Variants in CACNA1B observed in about 807,000 individuals in gnomAD.
CACNA1B encodes voltage-dependent N-type calcium channel subunit alpha-1B.
In CACNA1B, 70 loss-of-function variants were observed where a neutral mutation model predicts 247.2. The observed-to-expected ratio is 0.28, with a 90% confidence interval of 0.23 to 0.35. The LOEUF is 0.35. CACNA1B is among the 10% of genes least tolerant of loss of function. The pLI is 1.00. For missense variants in CACNA1B, 2,367 were observed against 3,197.4 expected (o/e 0.74, Z 6.26); for synonymous variants, 1,231 against 1,294.4 (o/e 0.95, Z 1.05).
chr9:138,029,631 G>T (rs12349142), intron 20 of CACNA1B, among the ~76,000 whole-genome samples: 1 of 125,332 alleles, frequency 8.0e-6, no homozygotes, highest in East Asian at 2.4e-4. Context: ...TTTTTTTCCA[G>T]ACAGGGTCTC....
rs559674145 is a variant in CACNA1B at position 138,121,309 on chromosome 9, G to A, written c.6490-160G>A. On this transcript the variant is annotated intron_variant, in intron 46 of 46. Coordinates refer to ENST00000371372, the MANE Select transcript of CACNA1B (RefSeq NM_000718.4). This position sits in a 1 kb window ranked among gnomAD's most constrained non-coding sequence, Gnocchi z 6.8. Reference sequence around the variant, plus strand: ...GACCATCGCCCTCCCCCGCACACAGGTGCCTGTTGCCTCCCTGGTCACCGC... The same window carrying A: ...GACCATCGCCCTCCCCCGCACACAGATGCCTGTTGCCTCCCTGGTCACCGC... Among the ~76,000 whole-genome samples, 83 of 152,046 alleles carry A rather than the reference G, an allele frequency of 5.5e-4. No homozygotes were observed. Among genetic ancestry groups the A allele is most frequent in the African/African-American group, 1.9e-3 (79 of 41,450 alleles).
chr9:137,991,224 A>G (rs1007867947), intron 15 of CACNA1B, among the ~76,000 whole-genome samples: 1 of 152,238 alleles, frequency 6.6e-6, no homozygotes, highest in Non-Finnish European at 1.5e-5. Context: ...TCTTCAGTGA[A>G]ATCGCATAAA....
intron 36 of CACNA1B, among the ~76,000 whole-genome samples, chr9:138,095,187 A>G (rs1312654689): frequency 6.6e-6 from 1 of 152,252 alleles, no homozygotes; most frequent in African/African-American, 2.4e-5. Context: ...GTACAGAACA[A>G]AATACTTGCA....
chr9:138,114,087 A>C (rs1207536097), intron 40 of CACNA1B, among the ~76,000 whole-genome samples: 1 of 152,190 alleles, frequency 6.6e-6, no homozygotes, highest in Non-Finnish European at 1.5e-5. Context: ...AGACACAGGA[A>C]GGGCCCTGCA....
At chr9:137,906,559 G>A in intron 3 of CACNA1B, among the ~76,000 whole-genome samples, 1 of 151,966 alleles carries the variant, frequency 6.6e-6, no homozygotes, top group Non-Finnish European at 1.5e-5. Context: ...GCATCCCCGT[G>A]TGATGCCTTA....
intron 36 of CACNA1B, among the ~76,000 whole-genome samples, chr9:138,082,640 A>G (rs1169666208): frequency 6.6e-6 from 1 of 151,294 alleles, no homozygotes; most frequent in East Asian, 2.0e-4. Flanking sequence ...ATAAGGAGGC[A>G]GCTTTAGGCT....
In CACNA1B at chr9:137,958,793, G is replaced by A. The variant is rs928602227; in HGVS notation, c.1333+1106G>A. ...TCGCCCTCATCCAGTGCTATGTGAC[G>A]GCTCCTTTTGATTTTTCCCAGTTTG... On this transcript the variant is annotated intron_variant, in intron 10 of 46. Coordinates refer to ENST00000371372, the MANE Select transcript of CACNA1B (RefSeq NM_000718.4). 4.6e-5 allele frequency among the ~76,000 whole-genome samples: 7 copies of A among 152,168 alleles called. No individual in the cohort carries two copies. In the East Asian group the frequency reaches 1.4e-3, roughly 29 times the overall value.
intron 16 of CACNA1B, among the ~76,000 whole-genome samples, chr9:138,008,368 C>T (rs1291073490): frequency 6.6e-6 from 1 of 152,226 alleles, no homozygotes; most frequent in African/African-American, 2.4e-5. Flanking sequence ...GTTAGTCCTG[C>T]TGGATCCCAA....
At chr9:137,975,882 C>T (rs1390218773) in intron 11 of CACNA1B, 25 bp from the exon 12 acceptor site, 4 of 1,438,728 alleles carry the variant, frequency 2.8e-6, no homozygotes, top group Non-Finnish European at 2.9e-6. Context: ...TCGAGCTAAT[C>T]CCCCTCTTCT....
At chr9:137,916,142 C>T (rs538470974) in intron 5 of CACNA1B, among the ~76,000 whole-genome samples, 1 of 151,050 alleles carries the variant, frequency 6.6e-6, no homozygotes, top group Non-Finnish European at 1.5e-5. Context: ...TAGCAATTCT[C>T]CTGCCTCAGC....
intron 20 of CACNA1B, among the ~76,000 whole-genome samples, chr9:138,032,032 T>C (rs1027367665): frequency 6.6e-6 from 1 of 152,158 alleles, no homozygotes; most frequent in African/African-American, 2.4e-5. Flanking sequence ...TGTTATTTTA[T>C]TTCTTATTTT....
At chr9:138,107,996 A>G (rs866920768) in intron 39 of CACNA1B, among the ~76,000 whole-genome samples, 2 of 151,224 alleles carry the variant, frequency 1.3e-5, no homozygotes, top group Middle Eastern at 3.4e-3. Flanking sequence ...AAAAAAAAAG[A>G]ATAGATAACC....
intron 18 of CACNA1B, among the ~76,000 whole-genome samples, chr9:138,022,453 GCAAA>G: frequency 6.6e-6 from 1 of 152,148 alleles, no homozygotes; most frequent in Non-Finnish European, 1.5e-5. Context: ...GGGTTCCCTG[GCAAA>G]CAGCCTTTTC....
Position 138,121,383 on chromosome 9 carries a change from A to G in CACNA1B, c.6490-86A>G, listed in dbSNP as rs1962092035. 3.9e-6 allele frequency: 4 copies of G among 1,037,696 alleles called. No homozygotes were observed. Among genetic ancestry groups the G allele is most frequent in the Non-Finnish European group, 1.3e-6 (1 of 742,586 alleles). The allele number at this position is 1,037,696 out of a possible 1,614,324, so 64.3% of individuals were successfully genotyped here. On this transcript the variant is annotated intron_variant, in intron 46 of 46. Transcript: ENST00000371372. The surrounding 1 kb of genome is among the most constrained non-coding windows in gnomAD (Gnocchi z 6.8). ...CCTCTCTCCTCCCATCCCCCCAGGC[A>G]CCTGTGTGTGATGTGCTCTGTCTGT...
In CACNA1B at chr9:138,120,146, C is replaced by G; in HGVS notation, c.6031-19C>G. 1.3e-6 allele frequency: 2 copies of G among 1,580,754 alleles called. No homozygotes were observed. The highest frequency in any genetic ancestry group is 1.7e-6 in the Non-Finnish European group (2 of 1,163,522). The stretch of plus-strand genomic sequence containing the variant: ...CCCTGGTGCCTCCCCTAGGCCCACT[C>G]TCAGTCCTTTGCCCACAGCCCGTCA... On this transcript the variant is annotated intron_variant, in intron 44 of 46. Coordinates refer to ENST00000371372, the MANE Select transcript of CACNA1B (RefSeq NM_000718.4).
At chr9:138,065,506 T>C (rs1440926617) in intron 31 of CACNA1B, among the ~76,000 whole-genome samples, 1 of 152,160 alleles carries the variant, frequency 6.6e-6, no homozygotes, top group Non-Finnish European at 1.5e-5. Flanking sequence ...CCGGGGCATC[T>C]GAGAGCTCTG....
Position 138,010,155 on chromosome 9 carries a change from G to A in CACNA1B, c.2160+78G>A. ...CGCAGCCAGGAAGAGTCTGGGTCCT[G>A]GGTTAGGGCCTCGTGTCCAGGAGCG... is the stretch of plus-strand genomic sequence containing the variant. On this transcript the variant is annotated intron_variant, in intron 17 of 46. Transcript: ENST00000371372. The surrounding 1 kb of genome is among the most constrained non-coding windows in gnomAD (Gnocchi z 5.3). 1 of 1,189,868 alleles carries A rather than the reference G, an allele frequency of 8.4e-7. No individual in the cohort carries two copies. Among genetic ancestry groups the A allele is most frequent in the South Asian group, 1.2e-5 (1 of 81,044 alleles). The allele number at this position is 1,189,868 out of a possible 1,614,324, so 73.7% of individuals were successfully genotyped here. A position where few individuals can be genotyped will look rare whatever the true frequency, so the allele number is the denominator to read the frequency against.
intron 36 of CACNA1B, among the ~76,000 whole-genome samples, chr9:138,094,017 A>G (rs1564283177): frequency 6.6e-6 from 1 of 152,240 alleles, no homozygotes; most frequent in Admixed American, 6.5e-5. Context: ...GGAGAAAGGA[A>G]CACCAGTTTC....
intron 18 of CACNA1B, chr9:138,017,128 T>A (rs768314139): frequency 1.9e-6 from 1 of 519,062 alleles, no homozygotes. Flanking sequence ...TTCTGTTTTT[T>A]GCATGTGCAG....
Sources: gnomAD v4.1 joint callset for allele counts (sites outside exome capture counted in the v4.1 genomes callset) on GRCh38, gnomAD v4.1.1 for gene constraint, Gnocchi (gnomAD v3.1) non-coding constraint, MANE v1.5 for transcripts, NCBI Gene and HGNC (gene_info 2026-07-23, HGNC 2026-07-21) for gene names.